SSBP2: variants seen among roughly 807,000 people sequenced by gnomAD.
The protein encoded by SSBP2 is single stranded DNA binding protein 2.
Under a neutral mutation model 61.8 loss-of-function variants are expected in SSBP2, and 17 were observed. The observed-to-expected ratio is 0.28, with a 90% CI of 0.19 to 0.41. The LOEUF (loss-of-function observed/expected upper bound fraction) is 0.41, where lower values mean the gene tolerates loss of function less well. SSBP2 is among the 10% of genes least tolerant of loss of function. The pLI, the probability that SSBP2 is intolerant of heterozygous loss-of-function variation, is 1.00. For missense variants in SSBP2, 310 were observed against 458.7 expected (o/e 0.68, Z 2.96); for synonymous variants, 139 against 141.3 (o/e 0.98, Z 0.12).
chr5:81,748,326 T>C (rs988330917), intron 1 of SSBP2, among the ~76,000 whole-genome samples: 3 of 152,168 alleles, frequency 2.0e-5, no homozygotes, highest in African/African-American at 7.2e-5. Flanking sequence ...TTCTTCACCT[T>C]TTATAATCTG....
rs566590327 is a variant in SSBP2 at position 81,523,591 on chromosome 5, TTC to T, written c.283-9876_283-9875del. Among the ~76,000 whole-genome samples the T allele has an allele frequency of 2.0e-4, 30 of 152,176 alleles. 1 individual carries two copies. The South Asian group carries it at 5.4e-3, about 27-fold the overall frequency. On this transcript the variant is annotated intron_variant, in intron 4 of 16. Coordinates refer to ENST00000320672, the MANE Select transcript of SSBP2 (RefSeq NM_012446.5). Reference sequence around the variant, plus strand: ...AAAAAAGTTAAATAGCATAAAAACTTTCTGTTGAAAAATGAAATATCATTGAG... The same window carrying T: ...AAAAAAGTTAAATAGCATAAAAACTTTGTTGAAAAATGAAATATCATTGAG...
At chr5:81,736,244 T>C (rs1310412955) in intron 1 of SSBP2, among the ~76,000 whole-genome samples, 3 of 151,836 alleles carry the variant, frequency 2.0e-5, no homozygotes, top group Non-Finnish European at 4.4e-5. Context: ...CTCACTGGAC[T>C]TCTTCCAAGC....
At chr5:81,739,327 T>C (rs1756848286) in intron 1 of SSBP2, among the ~76,000 whole-genome samples, 1 of 152,196 alleles carries the variant, frequency 6.6e-6, no homozygotes, top group African/African-American at 2.4e-5. Flanking sequence ...GCCTCCATGT[T>C]GCTGTACATG....
intron 3 of SSBP2, among the ~76,000 whole-genome samples, chr5:81,620,304 C>T (rs1242305579): frequency 3.6e-5 from 3 of 84,154 alleles, no homozygotes; most frequent in African/African-American, 9.7e-5. Flanking sequence ...TTCTTATACA[C>T]CAACAACAGA....
chr5:81,622,751 C>A (rs1746729229), intron 3 of SSBP2, among the ~76,000 whole-genome samples: 1 of 152,120 alleles, frequency 6.6e-6, no homozygotes, highest in Non-Finnish European at 1.5e-5. Context: ...TTGTTTCAAC[C>A]TTCAAAGATT....
chr5:81,444,671 A>G (rs747001902), intron 12 of SSBP2, among the ~76,000 whole-genome samples: 1 of 152,230 alleles, frequency 6.6e-6, no homozygotes, highest in Non-Finnish European at 1.5e-5. Context: ...AAACATAGGA[A>G]ATCTTCAAAT....
chr5:81,552,649 A>C (rs1451666430), intron 4 of SSBP2, among the ~76,000 whole-genome samples: 4 of 151,676 alleles, frequency 2.6e-5, no homozygotes, highest in Non-Finnish European at 5.9e-5. Context: ...TAAAAAAAAA[A>C]AAGAAAAAAG....
intron 4 of SSBP2, among the ~76,000 whole-genome samples, chr5:81,594,151 A>G (rs1743447818): frequency 6.6e-6 from 1 of 152,222 alleles, no homozygotes; most frequent in African/African-American, 2.4e-5. Context: ...AAGAAGATCT[A>G]CCAAGCAAAT....
chr5:81,733,913 G>C (rs1756429013), intron 1 of SSBP2, among the ~76,000 whole-genome samples: 1 of 152,080 alleles, frequency 6.6e-6, no homozygotes, highest in South Asian at 2.1e-4. Flanking sequence ...TCTCTTCTCT[G>C]TCAAAGGTAA....
intron 4 of SSBP2, among the ~76,000 whole-genome samples, chr5:81,536,909 T>C (rs1770848008): frequency 6.6e-6 from 1 of 151,588 alleles, no homozygotes; most frequent in Non-Finnish European, 1.5e-5. Flanking sequence ...TAATCCCAGC[T>C]AGGAGAATTG....
chr5:81,456,078 A>G (rs1199241052), intron 10 of SSBP2, among the ~76,000 whole-genome samples: 1 of 152,246 alleles, frequency 6.6e-6, no homozygotes, highest in Non-Finnish European at 1.5e-5. Flanking sequence ...TATCTGTGCC[A>G]CATGAAATTA....
intron 4 of SSBP2, among the ~76,000 whole-genome samples, chr5:81,557,071 T>G (rs1385811743): frequency 6.6e-6 from 1 of 152,166 alleles, no homozygotes; most frequent in Non-Finnish European, 1.5e-5. Context: ...CTCCTTAATG[T>G]GGATAAAAAG....
chr5:81,661,678 C>T (rs1750713545), intron 1 of SSBP2, among the ~76,000 whole-genome samples: 1 of 152,040 alleles, frequency 6.6e-6, no homozygotes, highest in South Asian at 2.1e-4. Flanking sequence ...TGTCCTTTCC[C>T]CACTTTGTAA....
intron 1 of SSBP2, among the ~76,000 whole-genome samples, chr5:81,687,860 A>T (rs1693191697): frequency 6.6e-6 from 1 of 152,216 alleles, no homozygotes; most frequent in African/African-American, 2.4e-5. Context: ...GTAGCCAGGC[A>T]GTACTTGCTA....
At chr5:81,445,486 A>T (rs1458320482) in intron 12 of SSBP2, among the ~76,000 whole-genome samples, 1 of 151,992 alleles carries the variant, frequency 6.6e-6, no homozygotes, top group African/African-American at 2.4e-5. Context: ...CATTAACTTC[A>T]CCATATAAGA....
chr5:81,477,917 T>A (rs1765702040), intron 6 of SSBP2, among the ~76,000 whole-genome samples: 1 of 151,958 alleles, frequency 6.6e-6, no homozygotes, highest in Admixed American at 6.6e-5. Flanking sequence ...AGTAAGAAGA[T>A]AAAAGATTTA....
chr5:81,653,255 T>C (rs566930620), intron 1 of SSBP2, among the ~76,000 whole-genome samples: 19 of 152,190 alleles, frequency 1.2e-4, no homozygotes, highest in Non-Finnish European at 2.5e-4. Flanking sequence ...GCTTCAACCA[T>C]GTCCCTGCAA....
chr5:81,678,343 C>T (rs1352785946), intron 1 of SSBP2, among the ~76,000 whole-genome samples: 1 of 135,482 alleles, frequency 7.4e-6, no homozygotes, highest in Non-Finnish European at 1.6e-5. Flanking sequence ...GATATCTCAA[C>T]AAGAACAGTC....
chr5:81,503,669 A>G (rs1331320963), intron 5 of SSBP2, among the ~76,000 whole-genome samples: 1 of 152,198 alleles, frequency 6.6e-6, no homozygotes, highest in Non-Finnish European at 1.5e-5. Flanking sequence ...TACCATAAAG[A>G]CACATGTACT....
Sources: gnomAD v4.1 joint callset for allele counts (sites outside exome capture counted in the v4.1 genomes callset) on GRCh38, gnomAD v4.1.1 for gene constraint, MANE v1.5 for transcripts, NCBI Gene and HGNC (gene_info 2026-07-23, HGNC 2026-07-21) for gene names.